Variants in MAP3K3 observed in about 807,000 individuals in gnomAD.
MAP3K3 encodes the protein mitogen-activated protein kinase kinase kinase 3.
MAP3K3 carries 12 observed loss-of-function variants against 80.9 expected under a neutral mutation model. That is an observed-to-expected ratio of 0.15 (90% CI 0.10 to 0.24). The LOEUF (loss-of-function observed/expected upper bound fraction) is 0.24. Among genes scored for constraint, MAP3K3 ranks in the 10% least tolerant of loss-of-function variants. The probability of loss-of-function intolerance (pLI) is 1.00; values close to 1 mark genes in which losing one functional copy is unlikely to be tolerated. For synonymous variants in MAP3K3, 272 were observed against 307.1 expected (o/e 0.89, Z 1.19); for missense variants, 596 against 834.7 (o/e 0.71, Z 3.52).
At position 63,693,164 on chromosome 17, in the gene MAP3K3, G is replaced by A. The variant is rs978179993; in HGVS notation, c.1653-385G>A. Among the ~76,000 whole-genome samples, 6 of 152,120 alleles carry A rather than the reference G, an allele frequency of 3.9e-5. No individual in the cohort carries two copies. Among genetic ancestry groups the A allele is most frequent in the African/African-American group, 1.2e-4 (5 of 41,426 alleles). On this transcript the variant is annotated intron_variant, in intron 15 of 15. Transcript: ENST00000361733. The surrounding 1 kb of genome is among the most constrained non-coding windows in gnomAD (Gnocchi z 4.2). Reference sequence around the variant, plus strand: ...GCCTCTGACAGGAACCAGCCCTGCCGCCACCTTGACTTTAGCCCTGTGAGA... The same window carrying A: ...GCCTCTGACAGGAACCAGCCCTGCCACCACCTTGACTTTAGCCCTGTGAGA...
intron 5 of MAP3K3, among the ~76,000 whole-genome samples, chr17:63,662,936 A>G (rs2034925287): frequency 6.6e-6 from 1 of 151,766 alleles, no homozygotes. Flanking sequence ...TGGCCTCCCA[A>G]AGTGCTGGGA....
chr17:63,655,111 G>A (rs1390549334), intron 4 of MAP3K3, among the ~76,000 whole-genome samples: 6 of 152,116 alleles, frequency 3.9e-5, no homozygotes, highest in Admixed American at 3.9e-4. Context: ...AGTTCAGCAT[G>A]GCTGGGGAGG....
At chr17:63,628,515 C>G (rs1446939573) in intron 1 of MAP3K3, among the ~76,000 whole-genome samples, 1 of 151,864 alleles carries the variant, frequency 6.6e-6, no homozygotes, top group African/African-American at 2.4e-5. Context: ...CATGTGCCAC[C>G]ACGCCCAGCT....
chr17:63,646,983 C>G (rs2034553004), intron 3 of MAP3K3, among the ~76,000 whole-genome samples: 1 of 152,194 alleles, frequency 6.6e-6, no homozygotes, highest in Admixed American at 6.5e-5. Flanking sequence ...AGGTGAAGAG[C>G]ATACCCATTA....
At position 63,693,729 on chromosome 17, in the gene MAP3K3, T is replaced by G; in HGVS notation, c.1833T>G (p.Pro611=). ...RRIFVEARQR[P]SAEELLTHHF... ...TTTTTGTGGAGGCTCGCCAGAGACC[T>G]TCAGCTGAGGAGCTGCTCACACACC... The change falls in exon 16 of 16, where the codon CCT becomes CCG. Residue 611 remains proline, a synonymous_variant. Transcript: ENST00000361733. The surrounding 1 kb of genome is among the most constrained non-coding windows in gnomAD (Gnocchi z 4.2). 3 of 1,603,596 alleles carry G rather than the reference T, an allele frequency of 1.9e-6. No individual in the cohort carries two copies. Among genetic ancestry groups the G allele is most frequent in the Non-Finnish European group, 2.6e-6 (3 of 1,173,278 alleles).
chr17:63,688,209 C>G (rs2035500733), intron 8 of MAP3K3: 1 of 427,172 alleles, frequency 2.3e-6, no homozygotes, highest in Non-Finnish European at 4.3e-6. Flanking sequence ...CTGCCCTGGG[C>G]AAAGGATTCT....
chr17:63,673,121 G>A (rs1273773347), intron 6 of MAP3K3, among the ~76,000 whole-genome samples: 1 of 152,170 alleles, frequency 6.6e-6, no homozygotes, highest in Non-Finnish European at 1.5e-5. Context: ...ATGGGGAAGC[G>A]CAGGGTAGCC....
chr17:63,692,396 C>T lies in MAP3K3; in HGVS notation c.1629C>T (p.Gly543=). 1 of 1,608,620 alleles carries T rather than the reference C, an allele frequency of 6.2e-7. No individual in the cohort carries two copies. The highest frequency in any genetic ancestry group is 8.5e-7 in the Non-Finnish European group (1 of 1,176,662). Residue 543 remains glycine, a synonymous_variant, in exon 15 of 16, where the codon GGC becomes GGT. Transcript: ENST00000361733. The surrounding 1 kb of genome is among the most constrained non-coding windows in gnomAD (Gnocchi z 4.5). ...WMSPEVISGE[G]YGRKADVWSL... ...GCCCTGAGGTGATCAGCGGCGAGGG[C>T]TATGGAAGGAAAGCAGACGTGTGGT...
chr17:63,636,864 G>A lies in MAP3K3; in HGVS notation c.126+4062G>A, dbSNP rs139530931. On this transcript the variant is annotated intron_variant, in intron 2 of 15. Transcript: ENST00000361733. ...CGTTGGTGGTCAAGTCCTCCATCCC[G>A]CTGGACATCAAGCCTTGGGACAATG... is the stretch of plus-strand genomic sequence containing the variant. 2.5e-3 allele frequency: 949 copies of A among 382,350 alleles called. 5 individuals are homozygous for A. Among genetic ancestry groups the A allele is most frequent in the African/African-American group, 0.018 (830 of 46,676 alleles). The allele number at this position is 382,350 out of a possible 1,614,324, so 23.7% of individuals were successfully genotyped here. A position where few individuals can be genotyped will look rare whatever the true frequency, so the allele number is the denominator to read the frequency against.
chr17:63,644,506 G>C (rs1286435659), intron 2 of MAP3K3, among the ~76,000 whole-genome samples: 1 of 152,182 alleles, frequency 6.6e-6, no homozygotes, highest in Non-Finnish European at 1.5e-5. Flanking sequence ...GTGAGCCACT[G>C]TGCCTCTGGC....
intron 5 of MAP3K3, 34 bp downstream of exon 5, chr17:63,657,941 G>C: frequency 8.0e-7 from 1 of 1,255,458 alleles, no homozygotes; most frequent in South Asian, 1.3e-5. Flanking sequence ...GGCAGCTGAA[G>C]ACAAAGCTTG....
chr17:63,667,122 A>G (rs2035016523), intron 6 of MAP3K3, 62 bp downstream of exon 6: 12 of 1,488,480 alleles, frequency 8.1e-6, no homozygotes, highest in Non-Finnish European at 1.1e-5. Context: ...TAAAAAAGCA[A>G]CAAGTATTTG....
rs542485585 is a variant in MAP3K3, at chr17:63,655,013, G to C, written c.267+2357G>C. ...ATTGCAGCTCATTTGAGACAGAGTT[G>C]AGACTCTGTCTCAAAAAACGATTAA... On this transcript the variant is annotated intron_variant, in intron 4 of 15. Coordinates refer to ENST00000361733, the MANE Select transcript of MAP3K3 (RefSeq NM_002401.5). Among the ~76,000 whole-genome samples the C allele has an allele frequency of 8.5e-3, 1,288 of 152,106 alleles. 21 individuals carry two copies. The highest frequency in any genetic ancestry group is 0.029 in the African/African-American group (1,212 of 41,468).
intron 6 of MAP3K3, chr17:63,668,132 C>A (rs1339728696): frequency 6.6e-6 from 1 of 152,204 alleles, no homozygotes. Context: ...CCAGCTTTGC[C>A]CTTATCCATA....
chr17:63,674,340 G>A (rs1183347027), intron 6 of MAP3K3, among the ~76,000 whole-genome samples: 1 of 152,106 alleles, frequency 6.6e-6, no homozygotes, highest in Non-Finnish European at 1.5e-5. Context: ...CAAGGTGGGT[G>A]GATTGCTTGA....
rs77454821 is a variant in MAP3K3, at chr17:63,672,381, C to T, written c.502+5321C>T. On this transcript the variant is annotated intron_variant, in intron 6 of 15. Coordinates refer to ENST00000361733, the MANE Select transcript of MAP3K3 (RefSeq NM_002401.5). ...CTTTGTGGAGATGAATAAATGGCAT[C>T]GCCTTTCACTAAGACAGGAATACTG... Among the ~76,000 whole-genome samples the T allele has an allele frequency of 9.2e-3, 1,399 of 151,644 alleles. 25 individuals carry two copies. The highest frequency in any genetic ancestry group is 0.032 in the African/African-American group (1,308 of 41,256).
intron 6 of MAP3K3, among the ~76,000 whole-genome samples, chr17:63,671,574 C>T (rs1203932622): frequency 6.6e-6 from 1 of 152,070 alleles, no homozygotes; most frequent in Non-Finnish European, 1.5e-5. Context: ...TTTTCATAAT[C>T]ATGCTAAGAC....
Position 63,690,303 on chromosome 17 carries a change from TG to T in MAP3K3, c.1106del (p.Gly369AlafsTer38). ...APINWRRGKL[L>X]GQGAFGRVYL... is the part of the protein sequence containing the mutation. ...ATCAACTGGCGCCGGGGAAAGCTCC[TG>T]GGCCAGGGTGCCTTCGGCAGGGTCT... On this transcript the variant is annotated frameshift_variant, in exon 12 of 16. Coordinates refer to ENST00000361733, the MANE Select transcript of MAP3K3 (RefSeq NM_002401.5). LOFTEE classifies it high-confidence loss of function. 6.2e-7 allele frequency: 1 copy of T among 1,614,210 alleles called. No individual in the cohort carries two copies. Among genetic ancestry groups the T allele is most frequent in the Non-Finnish European group, 8.5e-7 (1 of 1,180,024 alleles).
At chr17:63,672,120 GA>G (rs2035122410) in intron 6 of MAP3K3, among the ~76,000 whole-genome samples, 1 of 151,868 alleles carries the variant, frequency 6.6e-6, no homozygotes, top group African/African-American at 2.4e-5. Context: ...CCGTCTCTAT[GA>G]AAAATACAAA....
Sources: gnomAD v4.1 joint callset for allele counts (sites outside exome capture counted in the v4.1 genomes callset) on GRCh38, gnomAD v4.1.1 for gene constraint, Gnocchi (gnomAD v3.1) non-coding constraint, MANE v1.5 for transcripts, NCBI Gene and HGNC (gene_info 2026-07-23, HGNC 2026-07-21) for gene names.